Variants in CNBD1 observed in about 807,000 individuals in gnomAD.
CNBD1 encodes the protein cyclic nucleotide-binding domain-containing protein 1.
Under a neutral mutation model 54.4 loss-of-function variants are expected in CNBD1, and 71 were observed. The ratio of observed to expected loss-of-function variants is 1.30; its 90% CI spans 1.08 to 1.59. The LOEUF (loss-of-function observed/expected upper bound fraction) is 1.59, where lower values mean the gene tolerates loss of function less well. CNBD1 is among the 40% of genes most tolerant of loss of function. CNBD1 has a pLI of 0.00. For synonymous variants in CNBD1, 182 were observed against 170.7 expected, an observed-to-expected ratio of 1.07 and a Z score of -0.51; for missense variants, 659 against 518.0, an observed-to-expected ratio of 1.27 and a Z score of -2.64.
chr8:87,154,522 A>G (rs1216405826), intron 4 of CNBD1, among the ~76,000 whole-genome samples: 1 of 152,194 alleles, frequency 6.6e-6, no homozygotes, highest in African/African-American at 2.4e-5. Context: ...CTCAGTAAAC[A>G]ATCTGCAAGA....
intron 2 of CNBD1, among the ~76,000 whole-genome samples, chr8:86,890,181 A>G (rs10955090): frequency 0.42 from 63,657 of 151,782 alleles, 14,024 homozygotes; most frequent in South Asian, 0.55. Flanking sequence ...TGTGCAATAG[A>G]TCTTAAAATC....
intron 8 of CNBD1, among the ~76,000 whole-genome samples, chr8:87,311,513 G>C (rs1195255621): frequency 6.6e-6 from 1 of 152,140 alleles, no homozygotes; most frequent in Non-Finnish European, 1.5e-5. Flanking sequence ...ATGTAAATTA[G>C]TTTAGCCACT....
chr8:87,196,907 A>T (rs55769331), intron 4 of CNBD1, among the ~76,000 whole-genome samples: 2 of 152,192 alleles, frequency 1.3e-5, no homozygotes, highest in Non-Finnish European at 2.9e-5. Flanking sequence ...AATTAATGAA[A>T]ATATAAAGGG....
chr8:87,259,979 T>A (rs1056426467), intron 6 of CNBD1, among the ~76,000 whole-genome samples: 4 of 152,086 alleles, frequency 2.6e-5, no homozygotes, highest in Non-Finnish European at 5.9e-5. Flanking sequence ...TTTAAGACAG[T>A]CCGTGGACAA....
chr8:87,061,944 G>A (rs1318774583), intron 4 of CNBD1, among the ~76,000 whole-genome samples: 5 of 152,142 alleles, frequency 3.3e-5, no homozygotes, highest in African/African-American at 1.2e-4. Flanking sequence ...AGTGATCAAT[G>A]CTTTTCAGGA....
chr8:86,903,371 AATTGG>A (rs1412785144), intron 2 of CNBD1, among the ~76,000 whole-genome samples: 1 of 152,144 alleles, frequency 6.6e-6, no homozygotes, highest in Non-Finnish European at 1.5e-5. Context: ...CCAGAGCACA[AATTGG>A]AATAGGATTC....
At chr8:87,063,673 G>C (rs1255799358) in intron 4 of CNBD1, among the ~76,000 whole-genome samples, 1 of 151,866 alleles carries the variant, frequency 6.6e-6, no homozygotes, top group East Asian at 1.9e-4. Context: ...TTTAATCAGG[G>C]TTCTATTATC....
intron 8 of CNBD1, among the ~76,000 whole-genome samples, chr8:87,315,414 G>A (rs1809364810): frequency 6.6e-6 from 1 of 151,798 alleles, no homozygotes; most frequent in African/African-American, 2.4e-5. Flanking sequence ...GGTTCTGCAG[G>A]CCATACAAGA....
At chr8:87,176,619 G>A (rs1355572722) in intron 4 of CNBD1, among the ~76,000 whole-genome samples, 1 of 151,092 alleles carries the variant, frequency 6.6e-6, no homozygotes, top group Non-Finnish European at 1.5e-5. Context: ...CGATTAGCTG[G>A]GATTACAGGC....
intron 10 of CNBD1, among the ~76,000 whole-genome samples, chr8:87,380,249 G>T (rs967623823): frequency 1.3e-5 from 2 of 151,840 alleles, no homozygotes; most frequent in African/African-American, 4.8e-5. Context: ...TACCTAAATA[G>T]TATACAGTTA....
chr8:87,010,031 C>G (rs141324385), intron 4 of CNBD1, among the ~76,000 whole-genome samples: 1 of 152,116 alleles, frequency 6.6e-6, no homozygotes, highest in African/African-American at 2.4e-5. Context: ...TCTCCTACCT[C>G]TGTGGCTACT....
intron 4 of CNBD1, among the ~76,000 whole-genome samples, chr8:87,136,473 A>C (rs2130732287): frequency 7.1e-6 from 1 of 139,990 alleles, no homozygotes; most frequent in South Asian, 2.1e-4. Context: ...AGCAAGAAGC[A>C]TACATTTTGC....
chr8:87,407,119 CAATT>C (rs1317024405), intron 2 of CNBD1, among the ~76,000 whole-genome samples: 5 of 152,068 alleles, frequency 3.3e-5, no homozygotes, highest in South Asian at 2.1e-4. Flanking sequence ...GATCACAAAA[CAATT>C]AACACCCTAG....
intron 2 of CNBD1, among the ~76,000 whole-genome samples, chr8:87,392,799 C>T (rs183474252): frequency 5.3e-5 from 8 of 151,954 alleles, no homozygotes; most frequent in Admixed American, 4.6e-4. Flanking sequence ...AATGGGTAAA[C>T]TGTGTTGTAC....
chr8:87,380,037 C>G (rs1017259666), intron 10 of CNBD1, among the ~76,000 whole-genome samples: 1 of 151,622 alleles, frequency 6.6e-6, no homozygotes, highest in Admixed American at 6.6e-5. Context: ...TTAGATAATG[C>G]AAGACAATAA....
intron 8 of CNBD1, among the ~76,000 whole-genome samples, chr8:87,303,514 G>A (rs567228229): frequency 6.6e-6 from 1 of 152,100 alleles, no homozygotes; most frequent in East Asian, 1.9e-4. Context: ...TTAAATGTTA[G>A]ACCTAAAACC....
chr8:87,127,627 GTC>G (rs1271330944), intron 4 of CNBD1, among the ~76,000 whole-genome samples: 1 of 152,024 alleles, frequency 6.6e-6, no homozygotes, highest in Non-Finnish European at 1.5e-5. Flanking sequence ...CTTCTTTACT[GTC>G]TCTATATCAC....
At chr8:86,900,496 G>A (rs1808916081) in intron 2 of CNBD1, among the ~76,000 whole-genome samples, 1 of 152,092 alleles carries the variant, frequency 6.6e-6, no homozygotes, top group Non-Finnish European at 1.5e-5. Context: ...CTAGCCCTGT[G>A]ATTTTAATAA....
At chr8:87,162,237 A>G (rs1271923372) in intron 4 of CNBD1, among the ~76,000 whole-genome samples, 1 of 152,138 alleles carries the variant, frequency 6.6e-6, no homozygotes, top group Non-Finnish European at 1.5e-5. Flanking sequence ...CTTAGATATA[A>G]TTAATACTCA....
Sources: allele counts gnomAD v4.1 joint callset (sites outside exome capture counted in the v4.1 genomes callset), GRCh38; gene constraint gnomAD v4.1.1; transcripts MANE v1.5; gene names NCBI Gene and HGNC (gene_info 2026-07-23, HGNC 2026-07-21).